Variants in SLC39A10 observed in about 807,000 individuals in gnomAD.
SLC39A10 encodes the protein zinc transporter ZIP10.
A neutral mutation model predicts 65.1 loss-of-function variants in SLC39A10; 13 were observed. That is an observed-to-expected ratio of 0.20 (90% CI 0.13 to 0.32). The LOEUF (loss-of-function observed/expected upper bound fraction) is 0.32. Among genes scored for constraint, SLC39A10 ranks in the 10% least tolerant of loss-of-function variants. The pLI is 1.00. For synonymous variants in SLC39A10, 321 were observed against 342.2 expected, an observed-to-expected ratio of 0.94 and a Z score of 0.68; for missense variants, 831 against 1,018.4, an observed-to-expected ratio of 0.82 and a Z score of 2.50.
intron 2 of SLC39A10, among the ~76,000 whole-genome samples, chr2:195,650,168 G>A (rs545704126): frequency 1.3e-5 from 2 of 151,822 alleles, no homozygotes; most frequent in East Asian, 3.9e-4. Context: ...TGTAGTCCCA[G>A]CTACTCAGGC....
chr2:195,723,636 G>T (rs1367233293), intron 8 of SLC39A10, among the ~76,000 whole-genome samples: 1 of 152,074 alleles, frequency 6.6e-6, no homozygotes, highest in African/African-American at 2.4e-5. Context: ...TGGATGTTGG[G>T]ATATGAGTGG....
At chr2:195,681,125 G>C in intron 2 of SLC39A10, 75 bp downstream of exon 2, 5 of 1,384,874 alleles carry the variant, frequency 3.6e-6, no homozygotes, top group Non-Finnish European at 4.9e-6. Flanking sequence ...AACAGGATAA[G>C]TAACAGTGGA....
At chr2:195,727,912 T>C (rs766197685) in intron 8 of SLC39A10, among the ~76,000 whole-genome samples, 23 of 152,216 alleles carry the variant, frequency 1.5e-4, no homozygotes, top group Non-Finnish European at 3.1e-4. Flanking sequence ...TTCATTATTA[T>C]AGTTTTGTCT....
intron 6 of SLC39A10, among the ~76,000 whole-genome samples, chr2:195,715,179 A>C (rs1691744405): frequency 6.6e-6 from 1 of 152,166 alleles, no homozygotes; most frequent in Non-Finnish European, 1.5e-5. Flanking sequence ...TGAAAAAAGC[A>C]CATAATCTCT....
rs370008028 is a variant in SLC39A10, at chr2:195,701,938, C to G, written c.1217-4678C>G. 7.9e-5 allele frequency among the ~76,000 whole-genome samples: 12 copies of G among 152,282 alleles called. No individual in the cohort carries two copies. The South Asian group carries it at 2.5e-3, about 32-fold the overall frequency. ...CTCAGGTAATCTCCCATCACAGCCT[C>G]CCAGAGTGTTAGGATTACAGGCATG... On this transcript the variant is annotated intron_variant, in intron 3 of 9. Coordinates refer to ENST00000359634, the MANE Select transcript of SLC39A10 (RefSeq NM_020342.3).
intron 2 of SLC39A10, among the ~76,000 whole-genome samples, chr2:195,650,312 T>C (rs1689006224): frequency 8.0e-6 from 1 of 125,524 alleles, no homozygotes; most frequent in African/African-American, 3.0e-5. Context: ...AAGAAAAAAA[T>C]TGGTTTAGGG....
chr2:195,707,901 T>C (rs1185439646), intron 4 of SLC39A10, among the ~76,000 whole-genome samples: 2 of 152,210 alleles, frequency 1.3e-5, no homozygotes, highest in African/African-American at 2.4e-5. Flanking sequence ...GAAAGATACC[T>C]AAGTGCAGTT....
At chr2:195,688,902 C>G (rs1004633720) in intron 3 of SLC39A10, among the ~76,000 whole-genome samples, 1 of 152,124 alleles carries the variant, frequency 6.6e-6, no homozygotes, top group Non-Finnish European at 1.5e-5. Context: ...CTGCCTCTAT[C>G]CTAATTAGCT....
chr2:195,635,621 A>G (rs945214069), intron 2 of SLC39A10, among the ~76,000 whole-genome samples: 3 of 151,820 alleles, frequency 2.0e-5, no homozygotes, highest in Non-Finnish European at 4.4e-5. Flanking sequence ...CACATGCTAA[A>G]GTGCTTTAGT....
intron 3 of SLC39A10, among the ~76,000 whole-genome samples, chr2:195,700,436 A>T (rs1691133568): frequency 6.6e-6 from 1 of 152,172 alleles, no homozygotes; most frequent in Non-Finnish European, 1.5e-5. Context: ...TTAGCAGCCT[A>T]AAGTTAAAAC....
At chr2:195,657,894 T>C (rs958534268) in intron 1 of SLC39A10, among the ~76,000 whole-genome samples, 2 of 152,136 alleles carry the variant, frequency 1.3e-5, no homozygotes, top group East Asian at 3.9e-4. Flanking sequence ...CTGCTCCTAC[T>C]AGTTTTCTCC....
intron 8 of SLC39A10, 81 bp downstream of exon 8, chr2:195,718,413 T>C (rs1691898415): frequency 9.4e-7 from 1 of 1,059,884 alleles, no homozygotes; most frequent in Admixed American, 2.0e-5. Context: ...ATTTCAGAGA[T>C]GTTCAAGCAT....
In SLC39A10 at chr2:195,684,051, A is replaced by C. The variant is rs150455280; in HGVS notation, c.1216+145A>C. 1,076 of 627,450 alleles carry C rather than the reference A, an allele frequency of 1.7e-3. 19 individuals carry two copies. The East Asian group carries it at 0.026, about 15-fold the overall frequency. The allele number at this position is 627,450 out of a possible 1,614,324, so 38.9% of individuals were successfully genotyped here. ...ATATTTTAATCAGGTTTAGATATGC[A>C]TATTTAAAAGAAACTGGGGGAAGAC... On this transcript the variant is annotated intron_variant, in intron 3 of 9. Coordinates refer to ENST00000359634, the MANE Select transcript of SLC39A10 (RefSeq NM_020342.3).
intron 9 of SLC39A10, among the ~76,000 whole-genome samples, chr2:195,730,591 C>G (rs1449913034): frequency 6.6e-6 from 1 of 152,196 alleles, no homozygotes; most frequent in African/African-American, 2.4e-5. Flanking sequence ...CTCTTCTCCC[C>G]CTGCATCTAA....
At chr2:195,694,990 G>A (rs1462306514) in intron 3 of SLC39A10, among the ~76,000 whole-genome samples, 1 of 152,158 alleles carries the variant, frequency 6.6e-6, no homozygotes, top group African/African-American at 2.4e-5. Flanking sequence ...CGGGGCCGGA[G>A]TCCCTGCTAA....
intron 2 of SLC39A10, among the ~76,000 whole-genome samples, chr2:195,650,353 CA>C (rs1163416384): frequency 6.6e-6 from 1 of 151,302 alleles, no homozygotes; most frequent in African/African-American, 2.4e-5. Flanking sequence ...ATGACGTGGG[CA>C]AATGTGTGGT....
Position 195,728,474 on chromosome 2 carries a change from C to A in SLC39A10, c.2337+125C>A. Reference sequence around the variant, plus strand: ...TTAAAGACATAATATCCTAAATAATCTCTTAAGGAAGGACATTTAAGTAGG... The same window carrying A: ...TTAAAGACATAATATCCTAAATAATATCTTAAGGAAGGACATTTAAGTAGG... On this transcript the variant is annotated intron_variant, in intron 9 of 9. Transcript: ENST00000359634. The surrounding 1 kb of genome is among the most constrained non-coding windows in gnomAD (Gnocchi z 4.4). 2.2e-6 allele frequency: 2 copies of A among 902,376 alleles called. No individual in the cohort carries two copies. The highest frequency in any genetic ancestry group is 1.6e-6 in the Non-Finnish European group (1 of 616,124). The allele number at this position is 902,376 out of a possible 1,614,324, so 55.9% of individuals were successfully genotyped here.
chr2:195,694,731 G>A (rs780859979), intron 3 of SLC39A10, among the ~76,000 whole-genome samples: 6 of 152,084 alleles, frequency 3.9e-5, no homozygotes, highest in African/African-American at 1.2e-4. Context: ...GGTTGGCATC[G>A]AGCCAGGATG....
At chr2:195,702,418 A>C (rs1275243757) in intron 3 of SLC39A10, among the ~76,000 whole-genome samples, 1 of 152,202 alleles carries the variant, frequency 6.6e-6, no homozygotes, top group Non-Finnish European at 1.5e-5. Context: ...GCTGAAATTG[A>C]TCAGAATTAA....
Sources: gnomAD v4.1 joint callset for allele counts (sites outside exome capture counted in the v4.1 genomes callset) on GRCh38, gnomAD v4.1.1 for gene constraint, Gnocchi (gnomAD v3.1) non-coding constraint, MANE v1.5 for transcripts, NCBI Gene and HGNC (gene_info 2026-07-23, HGNC 2026-07-21) for gene names.